The following PIBF1 variants were observed in gnomAD, a reference collection of about 807,000 sequenced individuals.
PIBF1 encodes the protein progesterone immunomodulatory binding factor 1, also known as progesterone-induced-blocking factor 1.
In PIBF1, 90 loss-of-function variants were observed where a neutral mutation model predicts 112.5. The ratio of observed to expected loss-of-function variants is 0.80; its 90% CI spans 0.67 to 0.95. The LOEUF (loss-of-function observed/expected upper bound fraction) is 0.95, where lower values mean the gene tolerates loss of function less well. Ranked by LOEUF, PIBF1 falls within the 40% of genes least tolerant of loss-of-function variation. The pLI, the probability that PIBF1 is intolerant of heterozygous loss-of-function variation, is 0.00. For missense variants in PIBF1, 915 were observed against 852.3 expected (o/e 1.07, Z -0.92); for synonymous variants, 301 against 288.6 (o/e 1.04, Z -0.44).
intron 14 of PIBF1, among the ~76,000 whole-genome samples, chr13:72,960,118 GT>G (rs2042565500): frequency 6.6e-6 from 1 of 152,068 alleles, no homozygotes; most frequent in African/African-American, 2.4e-5. Context: ...CTACAAACAG[GT>G]TTATAAAGAA....
Position 72,965,341 on chromosome 13 carries a change from G to A in PIBF1, c.1901G>A (p.Arg634His), listed in dbSNP as rs780101451. 26 of 1,609,590 alleles carry A rather than the reference G, an allele frequency of 1.6e-5. No individual in the cohort carries two copies. Among genetic ancestry groups the A allele is most frequent in the South Asian group, 1.1e-4 (10 of 90,850 alleles). Reference sequence around the variant, plus strand: ...TACAGGTATCTCATTGAATCAGTGCGTCAGAGAGATTCTAAGATTGATTCA... The same window carrying A: ...TACAGGTATCTCATTGAATCAGTGCATCAGAGAGATTCTAAGATTGATTCA... ...QPYRYLIESV[R>H]QRDSKIDSLT... Residue 634 changes from arginine (R) to histidine (H), a missense_variant, in exon 15 of 18, where the codon CGT (arginine) becomes CAT (histidine). Coordinates refer to ENST00000326291, the MANE Select transcript of PIBF1 (RefSeq NM_006346.4).
At chr13:72,858,696 G>A (rs1045210952) in intron 10 of PIBF1, among the ~76,000 whole-genome samples, 2 of 152,104 alleles carry the variant, frequency 1.3e-5, no homozygotes, top group Non-Finnish European at 2.9e-5. Flanking sequence ...AACTTACAAT[G>A]TGTTTTTTTC....
chr13:72,936,928 C>A (rs1359914324), intron 14 of PIBF1, among the ~76,000 whole-genome samples: 1 of 151,786 alleles, frequency 6.6e-6, no homozygotes, highest in Non-Finnish European at 1.5e-5. Flanking sequence ...GTATCTTTAC[C>A]CTTATTTACG....
intron 10 of PIBF1, among the ~76,000 whole-genome samples, chr13:72,888,577 G>C (rs2039942970): frequency 6.6e-6 from 1 of 152,030 alleles, no homozygotes; most frequent in Admixed American, 6.6e-5. Flanking sequence ...ATGCTTTGAA[G>C]CATTTTGAAA....
intron 13 of PIBF1, among the ~76,000 whole-genome samples, chr13:72,926,987 A>G (rs1024958346): frequency 2.0e-5 from 3 of 152,182 alleles, no homozygotes; most frequent in Non-Finnish European, 4.4e-5. Context: ...CGAATGAATT[A>G]ATGAGTGTGT....
chr13:73,007,445 T>C (rs986320334), intron 17 of PIBF1, among the ~76,000 whole-genome samples: 1 of 152,134 alleles, frequency 6.6e-6, no homozygotes, highest in Non-Finnish European at 1.5e-5. Context: ...TATTTTGCTG[T>C]GCCCATTTTA....
chr13:72,999,185 T>C (rs1167853472), intron 17 of PIBF1, among the ~76,000 whole-genome samples, 190 bp downstream of exon 17: 1 of 152,188 alleles, frequency 6.6e-6, no homozygotes, highest in African/African-American at 2.4e-5. Flanking sequence ...GATGATAGTA[T>C]ATTTTACTGT....
chr13:72,842,358 T>G lies in PIBF1; in HGVS notation c.1223+6990T>G, dbSNP rs149403089. Among the ~76,000 whole-genome samples the G allele has an allele frequency of 6.6e-5, 10 of 152,278 alleles. No individual in the cohort carries two copies. In the East Asian group the frequency reaches 1.9e-3, roughly 29 times the overall value. ...CTGGAAATTGAAATAGCTTTACAAT[T>G]GTTTGAAAGGGGGTAGGCAGTAGAG... On this transcript the variant is annotated intron_variant, in intron 9 of 17. Transcript: ENST00000326291.
intron 14 of PIBF1, among the ~76,000 whole-genome samples, chr13:72,947,489 CTT>C (rs2042180493): frequency 6.6e-6 from 1 of 152,188 alleles, no homozygotes; most frequent in African/African-American, 2.4e-5. Context: ...CATTTTGCTC[CTT>C]GTTACATAGG....
intron 2 of PIBF1, 32 bp from the exon 3 acceptor site, chr13:72,792,415 A>G (rs2138396508): frequency 7.9e-7 from 1 of 1,268,072 alleles, no homozygotes; most frequent in Non-Finnish European, 1.1e-6. Context: ...TTTATGACAA[A>G]TCATATAATT....
At chr13:72,836,697 A>G (rs2138213763) in intron 9 of PIBF1, among the ~76,000 whole-genome samples, 1 of 152,200 alleles carries the variant, frequency 6.6e-6, no homozygotes, top group Admixed American at 6.5e-5. Flanking sequence ...TTGGGTAAAA[A>G]TATTTGTGGT....
intron 11 of PIBF1, among the ~76,000 whole-genome samples, chr13:72,904,347 TATC>T (rs2040604705): frequency 6.6e-6 from 1 of 150,900 alleles, no homozygotes; most frequent in Non-Finnish European, 1.5e-5. Flanking sequence ...ACAGGATAAA[TATC>T]ATAAAATAGA....
intron 16 of PIBF1, among the ~76,000 whole-genome samples, chr13:72,985,407 C>T (rs372892244): frequency 1.4e-5 from 2 of 140,280 alleles, no homozygotes; most frequent in East Asian, 2.2e-4. Context: ...AGGGCGGTGG[C>T]GGGTGCCTTG....
chr13:72,814,075 T>C (rs75972064), intron 5 of PIBF1, among the ~76,000 whole-genome samples: 3,342 of 152,210 alleles, frequency 0.022, 137 homozygotes, highest in African/African-American at 0.076. Flanking sequence ...GAAAGACTCT[T>C]ATTATGACCT....
At position 72,975,846 on chromosome 13, in the gene PIBF1, G is replaced by C. The variant is rs75950819; in HGVS notation, c.2049+2171G>C. ...GATTCATTCACTATGTGGAATTTTC[G>C]CAAGTGTTTTTGAAATTAAATATTT... On this transcript the variant is annotated intron_variant, in intron 16 of 17. Transcript: ENST00000326291. 2.6e-5 allele frequency among the ~76,000 whole-genome samples: 4 copies of C among 152,172 alleles called. No individual in the cohort carries two copies. In the South Asian group the frequency reaches 8.3e-4, roughly 32 times the overall value.
intron 9 of PIBF1, chr13:72,836,190 G>A (rs555551174): frequency 9.6e-5 from 40 of 417,590 alleles, no homozygotes; most frequent in Middle Eastern, 7.0e-4. Flanking sequence ...GTGATTGGCA[G>A]AATTCAGGGA....
intron 14 of PIBF1, among the ~76,000 whole-genome samples, chr13:72,943,706 G>T (rs545731295): frequency 6.6e-6 from 1 of 151,952 alleles, no homozygotes; most frequent in African/African-American, 2.4e-5. Context: ...TGTTACCTTC[G>T]TACTCCTCAG....
chr13:73,011,816 A>C (rs2044212185), intron 17 of PIBF1, among the ~76,000 whole-genome samples: 1 of 152,128 alleles, frequency 6.6e-6, no homozygotes. Flanking sequence ...TAGACTAAAA[A>C]CCAAAAAACA....
chr13:72,831,195 G>A (rs1280617880), intron 8 of PIBF1, among the ~76,000 whole-genome samples: 1 of 150,832 alleles, frequency 6.6e-6, no homozygotes, highest in Non-Finnish European at 1.5e-5. Flanking sequence ...CTATTTTGTT[G>A]ATCTTTACAA....
Sources: gnomAD v4.1 joint callset for allele counts (sites outside exome capture counted in the v4.1 genomes callset) on GRCh38, gnomAD v4.1.1 for gene constraint, MANE v1.5 for transcripts, NCBI Gene and HGNC (gene_info 2026-07-23, HGNC 2026-07-21) for gene names.